Variants in GPC5 observed in about 807,000 individuals in gnomAD.
GPC5 encodes the protein glypican-5.
In GPC5, 47 loss-of-function variants were observed where a neutral mutation model predicts 53.9. That is an observed-to-expected ratio of 0.87 (90% CI 0.69 to 1.11). The LOEUF (loss-of-function observed/expected upper bound fraction) is 1.11. Among genes scored for constraint, GPC5 ranks in the 50% most tolerant of loss-of-function variants. GPC5 has a pLI of 0.00. For synonymous variants in GPC5, 286 were observed against 263.3 expected, an observed-to-expected ratio of 1.09 and a Z score of -0.84; for missense variants, 748 against 713.1, an observed-to-expected ratio of 1.05 and a Z score of -0.56.
At chr13:92,453,911 G>A (rs568137041) in intron 7 of GPC5, among the ~76,000 whole-genome samples, 29 of 152,258 alleles carry the variant, frequency 1.9e-4, no homozygotes, top group Middle Eastern at 3.4e-3. Context: ...CACAGTCCTT[G>A]TTAATGACAG....
rs150525783 is a variant in GPC5 at position 91,883,004 on chromosome 13, T to A, written c.1281-24933T>A. Among the ~76,000 whole-genome samples, 10 of 152,278 alleles carry A rather than the reference T, an allele frequency of 6.6e-5. No homozygotes were observed. The East Asian group carries it at 1.5e-3, about 24-fold the overall frequency. ...GTAAAACAGCAACCACTTCATTATA[T>A]CTCATGGATTCTATAGGTAAGAAAT... On this transcript the variant is annotated intron_variant, in intron 5 of 7. Transcript: ENST00000377067.
At chr13:91,399,661 A>G (rs1385063728) in intron 1 of GPC5, among the ~76,000 whole-genome samples, 2 of 152,108 alleles carry the variant, frequency 1.3e-5, no homozygotes, top group Non-Finnish European at 2.9e-5. Context: ...CCTGCGATAT[A>G]CCCCTTTGCT....
chr13:92,311,903 G>T (rs895560497), intron 7 of GPC5, among the ~76,000 whole-genome samples: 16 of 152,072 alleles, frequency 1.1e-4, no homozygotes, highest in Non-Finnish European at 2.2e-4. Flanking sequence ...GTGAGCAAAG[G>T]GTGAGGCAAT....
intron 5 of GPC5, among the ~76,000 whole-genome samples, chr13:91,861,311 T>A (rs1258645509): frequency 1.3e-5 from 2 of 152,200 alleles, no homozygotes; most frequent in Non-Finnish European, 2.9e-5. Context: ...AAAGGGATGT[T>A]AAAATCTTTA....
intron 2 of GPC5, among the ~76,000 whole-genome samples, chr13:91,645,409 C>A (rs1053429205): frequency 3.9e-5 from 6 of 152,030 alleles, no homozygotes; most frequent in African/African-American, 1.4e-4. Context: ...TTGTTTTATA[C>A]CCTAACTCCA....
chr13:92,681,661 C>T (rs1418671772), intron 7 of GPC5, among the ~76,000 whole-genome samples: 4 of 152,116 alleles, frequency 2.6e-5, no homozygotes, highest in Non-Finnish European at 4.4e-5. Flanking sequence ...AGACCCTGTC[C>T]GTCTCGCCCT....
At chr13:92,494,937 T>A (rs754429341) in intron 7 of GPC5, among the ~76,000 whole-genome samples, 9 of 152,212 alleles carry the variant, frequency 5.9e-5, no homozygotes, top group East Asian at 3.8e-4. Flanking sequence ...GTTTATTTTT[T>A]AAAAATTTTT....
chr13:91,750,927 G>T (rs1400669838), intron 4 of GPC5, among the ~76,000 whole-genome samples: 1 of 151,784 alleles, frequency 6.6e-6, no homozygotes, highest in African/African-American at 2.4e-5. Context: ...CTCCCAAAGT[G>T]CTGGGATTAC....
chr13:92,029,214 A>G (rs2040822687), intron 6 of GPC5, among the ~76,000 whole-genome samples: 1 of 152,180 alleles, frequency 6.6e-6, no homozygotes. Flanking sequence ...AAGAAGGGGG[A>G]AAATGCCATT....
At chr13:91,541,504 T>C (rs2029927436) in intron 2 of GPC5, among the ~76,000 whole-genome samples, 1 of 152,142 alleles carries the variant, frequency 6.6e-6, no homozygotes, top group African/African-American at 2.4e-5. Context: ...CAATACCACA[T>C]TGTTTAATTT....
At chr13:91,996,468 G>A (rs973457798) in intron 6 of GPC5, 1 of 152,212 alleles carries the variant, frequency 6.6e-6, no homozygotes, top group Non-Finnish European at 1.5e-5. Flanking sequence ...ATAGTAGAAT[G>A]AGACTTTTAT....
At chr13:91,904,451 T>A (rs2039532519) in intron 5 of GPC5, among the ~76,000 whole-genome samples, 2 of 152,076 alleles carry the variant, frequency 1.3e-5, no homozygotes, top group East Asian at 1.9e-4. Flanking sequence ...GCTAATTATA[T>A]CTTTACCTTT....
At chr13:92,518,203 T>G (rs374929578) in intron 7 of GPC5, among the ~76,000 whole-genome samples, 4 of 152,108 alleles carry the variant, frequency 2.6e-5, no homozygotes, top group African/African-American at 4.8e-5. Flanking sequence ...AAAACACTCT[T>G]CAGGATATTA....
chr13:92,745,703 T>C (rs985016215), intron 7 of GPC5, among the ~76,000 whole-genome samples: 2 of 152,118 alleles, frequency 1.3e-5, no homozygotes, highest in Non-Finnish European at 2.9e-5. Context: ...TCCAGAATAG[T>C]AATAGGCAAT....
chr13:92,624,069 C>T (rs1404504701), intron 7 of GPC5, among the ~76,000 whole-genome samples: 1 of 135,436 alleles, frequency 7.4e-6, no homozygotes. Flanking sequence ...CCCACGTTGG[C>T]CAGGCTGGTA....
At chr13:91,489,818 C>G (rs1157243867) in intron 2 of GPC5, among the ~76,000 whole-genome samples, 3 of 152,098 alleles carry the variant, frequency 2.0e-5, no homozygotes, top group African/African-American at 7.2e-5. Context: ...AAAATACTTG[C>G]AGTTACTGTT....
chr13:92,047,168 A>G (rs2138832719), intron 6 of GPC5, among the ~76,000 whole-genome samples: 1 of 152,254 alleles, frequency 6.6e-6, no homozygotes, highest in Admixed American at 6.5e-5. Flanking sequence ...GAATGAAGGG[A>G]AAGAAAAGAA....
At chr13:92,006,652 C>A (rs897315104) in intron 6 of GPC5, among the ~76,000 whole-genome samples, 1 of 152,110 alleles carries the variant, frequency 6.6e-6, no homozygotes, top group East Asian at 1.9e-4. Context: ...CCAAAGAGAA[C>A]TTCCTTGACC....
intron 7 of GPC5, among the ~76,000 whole-genome samples, chr13:92,454,180 T>A (rs1418141055): frequency 6.6e-6 from 1 of 151,718 alleles, no homozygotes; most frequent in Non-Finnish European, 1.5e-5. Flanking sequence ...TTAGTAATTT[T>A]ATCTCCAGGT....
Sources: gnomAD v4.1 joint callset for allele counts (sites outside exome capture counted in the v4.1 genomes callset) on GRCh38, gnomAD v4.1.1 for gene constraint, MANE v1.5 for transcripts, NCBI Gene and HGNC (gene_info 2026-07-23, HGNC 2026-07-21) for gene names.